Variants in SETBP1 observed in about 807,000 individuals in gnomAD.
SETBP1 encodes the protein SET-binding protein.
Under a neutral mutation model 101.0 loss-of-function variants are expected in SETBP1, and 9 were observed. That is an observed-to-expected ratio of 0.09 (90% CI 0.05 to 0.16). The LOEUF (loss-of-function observed/expected upper bound fraction) is 0.16. Among genes scored for constraint, SETBP1 ranks in the 10% least tolerant of loss-of-function variants. SETBP1 has a pLI of 1.00. For missense variants in SETBP1, 1,858 were observed against 2,033.8 expected (o/e 0.91, Z 1.66); for synonymous variants, 818 against 788.5 (o/e 1.04, Z -0.63).
At chr18:44,978,257 A>T (rs1265675794) in intron 4 of SETBP1, among the ~76,000 whole-genome samples, 2 of 152,182 alleles carry the variant, frequency 1.3e-5, no homozygotes, top group Non-Finnish European at 2.9e-5. Context: ...CCGATTTCTA[A>T]GATGCCCCTC....
intron 1 of SETBP1, among the ~76,000 whole-genome samples, chr18:44,683,924 T>C (rs973521323): frequency 6.6e-6 from 1 of 152,220 alleles, no homozygotes; most frequent in Non-Finnish European, 1.5e-5. Context: ...CACATTAGTA[T>C]TGTAAGGAGG....
chr18:44,919,300 T>A (rs904985497), intron 3 of SETBP1, among the ~76,000 whole-genome samples: 2 of 151,852 alleles, frequency 1.3e-5, no homozygotes, highest in African/African-American at 4.8e-5. Context: ...TGTTACTCTA[T>A]CAGAAAGGGT....
chr18:44,906,482 G>A (rs1036385728), intron 3 of SETBP1, among the ~76,000 whole-genome samples: 4 of 152,100 alleles, frequency 2.6e-5, no homozygotes, highest in African/African-American at 4.8e-5. Context: ...GCTCACTTTC[G>A]TCAGGAGAGA....
At chr18:44,767,027 T>C (rs1014922232) in intron 2 of SETBP1, among the ~76,000 whole-genome samples, 3 of 152,210 alleles carry the variant, frequency 2.0e-5, no homozygotes, top group African/African-American at 7.2e-5. Flanking sequence ...GAATTTCCTT[T>C]CATTGTGGTT....
intron 3 of SETBP1, among the ~76,000 whole-genome samples, chr18:44,883,909 G>C (rs898341982): frequency 6.6e-6 from 1 of 152,106 alleles, no homozygotes; most frequent in East Asian, 1.9e-4. Flanking sequence ...ATTATGTACC[G>C]ATGGCATCTT....
chr18:44,852,797 C>T (rs2072899578), intron 2 of SETBP1, among the ~76,000 whole-genome samples: 1 of 152,226 alleles, frequency 6.6e-6, no homozygotes, highest in Admixed American at 6.5e-5. Flanking sequence ...CTACCAGCTT[C>T]TCCTTCCCCT....
At chr18:44,929,073 T>G (rs1340354541) in intron 3 of SETBP1, among the ~76,000 whole-genome samples, 1 of 152,200 alleles carries the variant, frequency 6.6e-6, no homozygotes, top group Admixed American at 6.5e-5. Flanking sequence ...GGTCTAACAT[T>G]TAAGTCTTTA....
At chr18:44,713,477 A>C (rs1050404222) in intron 2 of SETBP1, among the ~76,000 whole-genome samples, 2 of 152,136 alleles carry the variant, frequency 1.3e-5, no homozygotes, top group Non-Finnish European at 2.9e-5. Flanking sequence ...CCTGGTGCCA[A>C]ACCACCCTGG....
At chr18:44,911,133 G>T (rs965501320) in intron 3 of SETBP1, among the ~76,000 whole-genome samples, 2 of 152,100 alleles carry the variant, frequency 1.3e-5, no homozygotes, top group African/African-American at 4.8e-5. Context: ...GGGGAGGGAG[G>T]ATCCCTTACC....
At position 44,948,525 on chromosome 18, in the gene SETBP1, A is replaced by ATAGATAGATAGATAGG. The variant is rs1437028673; in HGVS notation, c.541-1351_541-1350insAGATAGATAGGTAGAT. 2.0e-5 allele frequency among the ~76,000 whole-genome samples: 3 copies of ATAGATAGATAGATAGG among 152,298 alleles called. No individual in the cohort carries two copies. The East Asian group carries it at 5.8e-4, about 29-fold the overall frequency. The stretch of plus-strand genomic sequence containing the variant: ...GATAGATAGATAGATAGATAGATAG[A>ATAGATAGATAGATAGG]TAGATGATAGATAGATATTACCAGC... On this transcript the variant is annotated intron_variant, in intron 3 of 5. Transcript: ENST00000649279.
At chr18:44,865,249 G>T (rs920583825) in intron 2 of SETBP1, among the ~76,000 whole-genome samples, 3 of 152,120 alleles carry the variant, frequency 2.0e-5, no homozygotes, top group Admixed American at 6.5e-5. Flanking sequence ...GGAGTTTTAA[G>T]GTATGTTTTA....
chr18:45,022,026 A>G (rs1057145223), intron 4 of SETBP1, among the ~76,000 whole-genome samples: 1 of 152,164 alleles, frequency 6.6e-6, no homozygotes, highest in African/African-American at 2.4e-5. Flanking sequence ...ACAAAAGTTC[A>G]GTTTCTACCC....
At chr18:44,815,371 T>G (rs746657129) in intron 2 of SETBP1, among the ~76,000 whole-genome samples, 21 of 152,202 alleles carry the variant, frequency 1.4e-4, no homozygotes, top group Admixed American at 2.6e-4. Context: ...GAGTTGGATT[T>G]GAAGAGGAGG....
intron 3 of SETBP1, among the ~76,000 whole-genome samples, chr18:44,891,967 C>G (rs2069782256): frequency 6.6e-6 from 1 of 151,914 alleles, no homozygotes; most frequent in South Asian, 2.1e-4. Flanking sequence ...TTCATCAAAC[C>G]CACCTACGAG....
At chr18:44,696,450 C>G (rs1171353819) in intron 1 of SETBP1, among the ~76,000 whole-genome samples, 2 of 152,170 alleles carry the variant, frequency 1.3e-5, no homozygotes, top group Non-Finnish European at 2.9e-5. Context: ...CGAGAACTTG[C>G]ATTTCCACCA....
At chr18:44,936,255 C>G (rs1273383533) in intron 3 of SETBP1, among the ~76,000 whole-genome samples, 1 of 147,720 alleles carries the variant, frequency 6.8e-6, no homozygotes, top group East Asian at 2.0e-4. Flanking sequence ...AAAGACAGAG[C>G]CGTGGTGCTG....
intron 1 of SETBP1, among the ~76,000 whole-genome samples, chr18:44,692,547 C>G (rs1192505584): frequency 6.6e-6 from 1 of 152,136 alleles, no homozygotes; most frequent in Non-Finnish European, 1.5e-5. Flanking sequence ...AAATATAGCC[C>G]TTGTCCTCAT....
At chr18:45,043,620 G>T (rs2073554825) in intron 5 of SETBP1, among the ~76,000 whole-genome samples, 16 of 152,098 alleles carry the variant, frequency 1.1e-4, no homozygotes, top group Admixed American at 1.0e-3. Flanking sequence ...AAAACTACCA[G>T]AGCCCATGAA....
chr18:44,729,415 T>C (rs2069786289), intron 2 of SETBP1, among the ~76,000 whole-genome samples: 1 of 152,084 alleles, frequency 6.6e-6, no homozygotes, highest in Non-Finnish European at 1.5e-5. Context: ...CAGAAGGGAA[T>C]TGATATAAAA....
Sources: allele counts gnomAD v4.1 joint callset (sites outside exome capture counted in the v4.1 genomes callset), GRCh38; gene constraint gnomAD v4.1.1; transcripts MANE v1.5; gene names NCBI Gene and HGNC (gene_info 2026-07-23, HGNC 2026-07-21).